The following NR3C2 variants were observed in gnomAD, a reference collection of about 807,000 sequenced individuals.
NR3C2 encodes the protein mineralocorticoid receptor.
Under a neutral mutation model 86.4 loss-of-function variants are expected in NR3C2, and 15 were observed. The ratio of observed to expected loss-of-function variants is 0.17; its 90% confidence interval spans 0.12 to 0.27. The LOEUF (loss-of-function observed/expected upper bound fraction) is 0.27. NR3C2 is among the 10% of genes least tolerant of loss of function. The pLI, the probability that NR3C2 is intolerant of heterozygous loss-of-function variation, is 1.00. For missense variants in NR3C2, 960 were observed against 1,195.6 expected (o/e 0.80, Z 2.91); for synonymous variants, 458 against 450.5 (o/e 1.02, Z -0.21).
At chr4:148,316,222 C>A (rs1301352570) in intron 2 of NR3C2, among the ~76,000 whole-genome samples, 1 of 152,054 alleles carries the variant, frequency 6.6e-6, no homozygotes, top group Non-Finnish European at 1.5e-5. Flanking sequence ...CACACATACA[C>A]ACACAGGATT....
At chr4:148,443,222 C>CAAAAAAAA (rs59506438), upstream of NR3C2, among the ~76,000 whole-genome samples, 163 of 40,986 alleles carry the variant, frequency 4.0e-3, 7 homozygotes, top group African/African-American at 9.5e-3. Context: ...CCCCTAACAC[C>CAAAAAAAA]AAAAAAAAAA....
intron 2 of NR3C2, among the ~76,000 whole-genome samples, chr4:148,372,966 C>T (rs1038174429): frequency 6.6e-6 from 1 of 151,812 alleles, no homozygotes; most frequent in South Asian, 2.1e-4. Context: ...TTTATACACA[C>T]ACATACACAT....
At chr4:148,350,143 T>G (rs1210953717) in intron 2 of NR3C2, among the ~76,000 whole-genome samples, 1 of 152,188 alleles carries the variant, frequency 6.6e-6, no homozygotes, top group Middle Eastern at 3.2e-3. Context: ...TTCCGGCATA[T>G]CTCCATTTTA....
intron 2 of NR3C2, among the ~76,000 whole-genome samples, chr4:148,289,207 T>C (rs1741679853): frequency 1.3e-5 from 2 of 149,240 alleles, no homozygotes; most frequent in South Asian, 4.2e-4. Context: ...TTAAACAAGA[T>C]GACTACTGAA....
chr4:148,341,805 T>C (rs1483952064), intron 2 of NR3C2, among the ~76,000 whole-genome samples: 1 of 152,150 alleles, frequency 6.6e-6, no homozygotes, highest in Non-Finnish European at 1.5e-5. Context: ...ACACCTTGCA[T>C]TATATACATA....
intron 7 of NR3C2, among the ~76,000 whole-genome samples, 178 bp from the exon 8 acceptor site, chr4:148,114,439 C>T (rs1357777997): frequency 6.6e-6 from 1 of 152,198 alleles, no homozygotes; most frequent in African/African-American, 2.4e-5. Context: ...ACACAAAGAA[C>T]AACTATTTAT....
intron 3 of NR3C2, among the ~76,000 whole-genome samples, chr4:148,233,155 T>C (rs1198244471): frequency 6.6e-6 from 1 of 152,204 alleles, no homozygotes; most frequent in Non-Finnish European, 1.5e-5. Flanking sequence ...GTTCACTGAA[T>C]AGCACTTTTA....
At chr4:148,259,587 C>A (rs1387089992) in intron 3 of NR3C2, among the ~76,000 whole-genome samples, 1 of 152,150 alleles carries the variant, frequency 6.6e-6, no homozygotes, top group East Asian at 1.9e-4. Context: ...TTTTAATTTG[C>A]CACAAACACA....
intron 8 of NR3C2, among the ~76,000 whole-genome samples, chr4:148,103,602 G>A: frequency 6.6e-6 from 1 of 152,212 alleles, no homozygotes; most frequent in South Asian, 2.1e-4. Flanking sequence ...TTCTGGTTAT[G>A]AAAAGCCTCT....
chr4:148,143,021 T>C (rs534829147), intron 6 of NR3C2, among the ~76,000 whole-genome samples: 6 of 152,346 alleles, frequency 3.9e-5, no homozygotes, highest in Admixed American at 3.9e-4. Context: ...CTATGCCTCC[T>C]GTACACTGTA....
At chr4:148,188,615 G>A (rs1235837016) in intron 4 of NR3C2, among the ~76,000 whole-genome samples, 2 of 152,078 alleles carry the variant, frequency 1.3e-5, no homozygotes, top group African/African-American at 4.8e-5. Context: ...TCTTTTATCA[G>A]TTCTAGGAGG....
chr4:148,341,336 A>G (rs1744739213), intron 2 of NR3C2, among the ~76,000 whole-genome samples: 1 of 152,180 alleles, frequency 6.6e-6, no homozygotes, highest in South Asian at 2.1e-4. Flanking sequence ...GCATTATATT[A>G]AGTGAAATAA....
At position 148,120,147 on chromosome 4, in the gene NR3C2, C is replaced by A. The variant is rs1289871744; in HGVS notation, c.2641+11G>T. 1.2e-5 allele frequency: 19 copies of A among 1,613,964 alleles called. No individual in the cohort carries two copies. In the South Asian group the frequency reaches 2.0e-4, roughly 17 times the overall value. On this transcript the variant is annotated intron_variant, in intron 7 of 8. Transcript: ENST00000358102. ...AATATAGAAACAGTGCCAGAATGGG[C>A]ATCAATTTACTTGTGCTTAGTAGCA...
chr4:148,099,271 G>A (rs1016720939), intron 8 of NR3C2, among the ~76,000 whole-genome samples: 7 of 152,288 alleles, frequency 4.6e-5, no homozygotes, highest in African/African-American at 1.7e-4. Context: ...CCAAGAGTGG[G>A]ACTGCAAGGC....
At chr4:148,226,609 A>G (rs1174644341) in intron 3 of NR3C2, among the ~76,000 whole-genome samples, 1 of 152,160 alleles carries the variant, frequency 6.6e-6, no homozygotes, top group Non-Finnish European at 1.5e-5. Flanking sequence ...ATAGGTATGT[A>G]CTAGGTAGGC....
rs72645686 is a variant in NR3C2 at position 148,436,130 on chromosome 4, C to T, written c.731G>A (p.Arg244Gln). Residue 244 changes from arginine to glutamine, a missense_variant, in exon 2 of 9, where the codon CGA (arginine) becomes CAA (glutamine). Physicochemically the swap from Arg to Gln is conservative, Grantham distance 43. Transcript: ENST00000358102. ...TGCAGGGCTGTGCGACCTGGAGCCT[C>T]GATTTTCAACATTAGGGGAGCATGT... ...PLTCSPNVEN[R>Q]GSRSHSPAHA... The T allele has an allele frequency of 2.2e-5, 35 of 1,613,948 alleles. 1 individual carries two copies. The highest frequency in any genetic ancestry group is 1.6e-4 in the Middle Eastern group (1 of 6,084).
At chr4:148,298,160 G>A (rs981422925) in intron 2 of NR3C2, among the ~76,000 whole-genome samples, 1 of 152,106 alleles carries the variant, frequency 6.6e-6, no homozygotes, top group African/African-American at 2.4e-5. Context: ...ATTCAAAGAA[G>A]CAGCCTATAG....
chr4:148,152,441 T>G, intron 6 of NR3C2, 28 bp downstream of exon 6: 1 of 1,609,124 alleles, frequency 6.2e-7, no homozygotes, highest in Non-Finnish European at 8.5e-7. Flanking sequence ...GCAGTTTATT[T>G]TATGAAGGCT....
rs72658613 is a variant in NR3C2 at position 148,396,711 on chromosome 4, C to T, written c.1757+38393G>A. Among the ~76,000 whole-genome samples the T allele has an allele frequency of 4.9e-3, 741 of 152,262 alleles. 8 individuals are homozygous for T. The highest frequency in any genetic ancestry group is 0.017 in the African/African-American group (718 of 41,546). ...TTCCTTAATTCATTTAAAAATCACA[C>T]AACAGACCATTTTAATGTATTTCAT... is the stretch of plus-strand genomic sequence containing the variant. On this transcript the variant is annotated intron_variant, in intron 2 of 8. Coordinates refer to ENST00000358102, the MANE Select transcript of NR3C2 (RefSeq NM_000901.5).
Sources: gnomAD v4.1 joint callset for allele counts (sites outside exome capture counted in the v4.1 genomes callset) on GRCh38, gnomAD v4.1.1 for gene constraint, MANE v1.5 for transcripts, NCBI Gene and HGNC (gene_info 2026-07-23, HGNC 2026-07-21) for gene names.